MTMR3: variants seen among roughly 807,000 people sequenced by gnomAD.
MTMR3 encodes the protein myotubularin related protein 3.
MTMR3 carries 32 observed loss-of-function variants against 132.4 expected under a neutral mutation model. That is an observed-to-expected ratio of 0.24 (90% CI 0.18 to 0.32). The LOEUF (loss-of-function observed/expected upper bound fraction) is 0.32. MTMR3 is among the 10% of genes least tolerant of loss of function. The pLI is 1.00. For missense variants in MTMR3, 1,216 were observed against 1,489.6 expected (o/e 0.82, Z 3.02); for synonymous variants, 556 against 550.3 (o/e 1.01, Z -0.14).
At chr22:29,921,792 A>G (rs1175095872) in intron 1 of MTMR3, among the ~76,000 whole-genome samples, 4 of 151,204 alleles carry the variant, frequency 2.6e-5, no homozygotes, top group African/African-American at 9.7e-5. Flanking sequence ...TTGACCTTCT[A>G]TGACTGGCTT....
intron 1 of MTMR3, among the ~76,000 whole-genome samples, chr22:29,946,112 T>TC (rs2065949744): frequency 6.6e-6 from 1 of 152,032 alleles, no homozygotes; most frequent in South Asian, 2.1e-4. Flanking sequence ...GCAGTGATAC[T>TC]GATAACATGC....
In MTMR3 at chr22:30,026,077, G is replaced by T; in HGVS notation, c.*276G>T. 1 of 343,702 alleles carries T rather than the reference G, an allele frequency of 2.9e-6. No homozygotes were observed. The highest frequency in any genetic ancestry group is 4.2e-5 in the Admixed American group (1 of 23,814). The allele number at this position is 343,702 out of a possible 1,614,324, so 21.3% of individuals were successfully genotyped here. ...TTTTTTTTTTTGATGGAAGACCAAG[G>T]GTTGCCAGGCCCACTGTAACTGCCG... On this transcript the variant is annotated 3_prime_UTR_variant, in exon 20 of 20. Transcript: ENST00000401950.
At chr22:29,962,311 T>G (rs189863844) in intron 2 of MTMR3, among the ~76,000 whole-genome samples, 4 of 152,342 alleles carry the variant, frequency 2.6e-5, no homozygotes, top group African/African-American at 9.6e-5. Flanking sequence ...GTTCAGTGGC[T>G]CAGTATATTC....
At position 30,019,935 on chromosome 22, in the gene MTMR3, C is replaced by A; in HGVS notation, c.2276C>A (p.Pro759His). Residue 759 changes from proline (P) to histidine (H), a missense_variant, in exon 17 of 20, where the codon CCT becomes CAT. Transcript: ENST00000401950. ...AGGAGCCATCTGGATATGAGCTGGC[C>A]TCTGTTCTCACAGGGCATTTCTGAA... ...ALRSHLDMSWPLFSQGISEQQ... is the reference protein window; with the variant it reads ...ALRSHLDMSWHLFSQGISEQQ... 3 of 1,614,206 alleles carry A rather than the reference C, an allele frequency of 1.9e-6. No individual in the cohort carries two copies. Among genetic ancestry groups the A allele is most frequent in the Non-Finnish European group, 2.5e-6 (3 of 1,180,044 alleles).
chr22:29,956,713 C>T (rs904661109), intron 1 of MTMR3, among the ~76,000 whole-genome samples: 4 of 152,042 alleles, frequency 2.6e-5, no homozygotes, highest in African/African-American at 7.2e-5. Context: ...GTATTGGCAA[C>T]GATTTACCCA....
At chr22:29,938,806 A>G (rs969281587) in intron 1 of MTMR3, among the ~76,000 whole-genome samples, 2 of 151,724 alleles carry the variant, frequency 1.3e-5, no homozygotes, top group Non-Finnish European at 2.9e-5. Context: ...AAAACTATAC[A>G]TTTTCTTTAC....
chr22:29,962,435 G>A (rs1207506709), intron 2 of MTMR3, among the ~76,000 whole-genome samples: 1 of 152,146 alleles, frequency 6.6e-6, no homozygotes, highest in Non-Finnish European at 1.5e-5. Flanking sequence ...GGGAGGCCAA[G>A]GTGAGAGGAT....
At chr22:30,005,085 T>C (rs1711675715) in intron 9 of MTMR3, 1 of 152,244 alleles carries the variant, frequency 6.6e-6, no homozygotes. Flanking sequence ...TATTCTAAAC[T>C]CCTAGTTACT....
chr22:30,008,347 C>T (rs1025366098), intron 11 of MTMR3: 6 of 240,148 alleles, frequency 2.5e-5, no homozygotes, highest in Admixed American at 1.0e-4. Flanking sequence ...CTCAATTTCT[C>T]AGCCGTCTAA....
chr22:30,017,613 A>G lies in MTMR3; in HGVS notation c.1675-314A>G, dbSNP rs2086138026. 2.2e-5 allele frequency: 6 copies of G among 275,652 alleles called. No individual in the cohort carries two copies. The South Asian group carries it at 3.2e-4, about 15-fold the overall frequency. The allele number at this position is 275,652 out of a possible 1,614,324, so 17.1% of individuals were successfully genotyped here. A position where few individuals can be genotyped will look rare whatever the true frequency, so the allele number is the denominator to read the frequency against. On this transcript the variant is annotated intron_variant, in intron 15 of 19. Transcript: ENST00000401950. ...CTCACTTTCTTAGGCAGTAAAAGCA[A>G]CAAATCAAGCTGATGAAAGTCAGAC...
At chr22:29,947,576 A>G (rs1362725253) in intron 1 of MTMR3, among the ~76,000 whole-genome samples, 1 of 151,906 alleles carries the variant, frequency 6.6e-6, no homozygotes, top group African/African-American at 2.4e-5. Flanking sequence ...AATTTTTTAA[A>G]TTCAAGGTTT....
intron 1 of MTMR3, among the ~76,000 whole-genome samples, chr22:29,922,695 A>T (rs745664969): frequency 2.0e-5 from 3 of 152,088 alleles, no homozygotes; most frequent in Non-Finnish European, 2.9e-5. Context: ...ACTGGATCAT[A>T]TGGTCATTCT....
intron 11 of MTMR3, chr22:30,008,796 A>C: frequency 2.2e-6 from 1 of 461,604 alleles, no homozygotes; most frequent in Non-Finnish European, 3.8e-6. Context: ...CTTCTTTACA[A>C]ATCTAACCTT....
chr22:29,970,612 A>G (rs2066514515), intron 2 of MTMR3, among the ~76,000 whole-genome samples: 1 of 143,740 alleles, frequency 7.0e-6, no homozygotes, highest in African/African-American at 2.6e-5. Context: ...TGCTGGGATT[A>G]TAGGCATTAA....
rs1213052423 is a variant in MTMR3, at chr22:29,911,998, CATATA to C, written c.-138+28641_-138+28645del. ...TTTCTTACAAAGTAGCTATGATAAA[CATATA>C]AAAGGGTCAGAAAGAGAGGGGAGAA... On this transcript the variant is annotated intron_variant, in intron 1 of 19. Transcript: ENST00000401950. 2.6e-5 allele frequency among the ~76,000 whole-genome samples: 4 copies of C among 151,918 alleles called. No homozygotes were observed. The East Asian group carries it at 7.7e-4, about 29-fold the overall frequency.
intron 14 of MTMR3, chr22:30,014,653 C>G (rs1038740973): frequency 6.6e-6 from 1 of 152,114 alleles, no homozygotes; most frequent in Non-Finnish European, 1.5e-5. Flanking sequence ...GGACCACAGG[C>G]ACATGCCAAG....
At chr22:29,967,243 G>GCC (rs2066444539) in intron 2 of MTMR3, among the ~76,000 whole-genome samples, 1 of 149,756 alleles carries the variant, frequency 6.7e-6, no homozygotes, top group Admixed American at 6.6e-5. Flanking sequence ...GCATGCGCGC[G>GCC]CGCGCGCATG....
intron 8 of MTMR3, chr22:30,000,493 T>C (rs2067149899): frequency 1.3e-5 from 2 of 150,944 alleles, no homozygotes; most frequent in South Asian, 4.2e-4. Context: ...AAAAAATATA[T>C]ATATCCTTCT....
chr22:29,923,369 G>C (rs2065457374), intron 1 of MTMR3, among the ~76,000 whole-genome samples: 2 of 151,778 alleles, frequency 1.3e-5, no homozygotes, highest in Admixed American at 6.6e-5. Context: ...ACTGTGCCCA[G>C]CTTGTATTTT....
Sources: allele counts gnomAD v4.1 joint callset (sites outside exome capture counted in the v4.1 genomes callset), GRCh38; gene constraint gnomAD v4.1.1; transcripts MANE v1.5; gene names NCBI Gene and HGNC (gene_info 2026-07-23, HGNC 2026-07-21).